Variants in ALOX12 observed in about 807,000 individuals in gnomAD.
ALOX12 encodes arachidonate 12-lipoxygenase, 12S type, also known as polyunsaturated fatty acid lipoxygenase ALOX12.
Under a neutral mutation model 85.5 loss-of-function variants are expected in ALOX12, and 62 were observed. The observed-to-expected ratio is 0.73, with a 90% confidence interval of 0.59 to 0.90. ALOX12 has a LOEUF of 0.90. ALOX12 is among the 40% of genes least tolerant of loss of function. The pLI is 0.00. For missense variants in ALOX12, 751 were observed against 856.5 expected, an observed-to-expected ratio of 0.88 and a Z score of 1.54; for synonymous variants, 299 against 332.7, an observed-to-expected ratio of 0.90 and a Z score of 1.10.
intron 8 of ALOX12, 93 bp from the exon 9 acceptor site, chr17:7,005,164 G>C: frequency 2.8e-6 from 3 of 1,090,270 alleles, no homozygotes; most frequent in South Asian, 1.3e-5. Context: ...AAAGCATCAA[G>C]AGGAGAAGGC....
chr17:7,010,419 T>A lies in ALOX12; in HGVS notation c.1988T>A (p.Ile663Asn), dbSNP rs763214596. The A allele has an allele frequency of 1.2e-6, 2 of 1,613,580 alleles. No individual in the cohort carries two copies. Among genetic ancestry groups the A allele is most frequent in the African/African-American group, 2.7e-5 (2 of 74,908 alleles). Residue 663 changes from isoleucine (I) to asparagine (N), a missense_variant, in exon 14 of 14, where the codon ATC becomes AAC. Physicochemically the swap from Ile to Asn is moderately radical, Grantham distance 149 (BLOSUM62 -3). Transcript: ENST00000251535. ...KPSCIENSVT[I>N] ...AGCTGCATAGAGAACAGTGTCACCA[T>A]CTGAGCCCTAGAGTGACTCTACCTG...
chr17:7,009,748 T>G lies in ALOX12; in HGVS notation c.1542T>G (p.Gly514=). 1 of 1,613,916 alleles carries G rather than the reference T, an allele frequency of 6.2e-7. No individual in the cohort carries two copies. The highest frequency in any genetic ancestry group is 8.5e-7 in the Non-Finnish European group (1 of 1,179,762). ...AACTGCTATTCCTTTCCTGCCCAGG[T>G]TTCCCTGTCTCCTTCCAGTCCCAGA... ...EVGLCQAQDR[G]FPVSFQSQSQ... is the part of the protein sequence containing the mutation. Residue 514 remains glycine (G), a splice_region_variant and synonymous_variant, in exon 12 of 14, where the codon GGT becomes GGG. Transcript: ENST00000251535.
At chr17:7,009,616 T>A (rs1909282685) in intron 11 of ALOX12, 131 bp from the exon 12 acceptor site, 1 of 804,270 alleles carries the variant, frequency 1.2e-6, no homozygotes, top group African/African-American at 1.7e-5. Flanking sequence ...CTTAAACGCA[T>A]GTCTGATGCA....
intron 8 of ALOX12, 70 bp from the exon 9 acceptor site, chr17:7,005,187 G>A: frequency 7.4e-7 from 1 of 1,359,740 alleles, no homozygotes. Flanking sequence ...CATGCTGGGT[G>A]CCAGGCCCTA....
chr17:7,009,772 G>A lies in ALOX12; in HGVS notation c.1566G>A (p.Gln522=), dbSNP rs201763084. 34 of 1,614,060 alleles carry A rather than the reference G, an allele frequency of 2.1e-5. No homozygotes were observed. Among genetic ancestry groups the A allele is most frequent in the Non-Finnish European group, 2.5e-5 (29 of 1,180,056 alleles). The part of the protein sequence containing the change: ...DRGFPVSFQS[Q]SQLCHFLTMC... The stretch of plus-strand genomic sequence containing the variant: ...GTTTCCCTGTCTCCTTCCAGTCCCA[G>A]AGTCAACTCTGCCATTTCCTCACCA... The change falls in exon 12 of 14, where the codon CAG becomes CAA. Residue 522 remains glutamine, a synonymous_variant. Coordinates refer to ENST00000251535, the MANE Select transcript of ALOX12 (RefSeq NM_000697.3).
intron 10 of ALOX12, 151 bp from the exon 11 acceptor site, chr17:7,006,335 G>C: frequency 8.8e-7 from 1 of 1,139,620 alleles, no homozygotes; most frequent in Non-Finnish European, 1.2e-6. Context: ...CATCTTCCAT[G>C]AGATGCTAGT....
chr17:7,009,521 G>A (rs1485828364), intron 11 of ALOX12: 7 of 510,316 alleles, frequency 1.4e-5, no homozygotes, highest in East Asian at 6.4e-5. Context: ...TGTAGGTATC[G>A]TCCATATTTT....
At chr17:7,009,687 C>A in intron 11 of ALOX12, 60 bp from the exon 12 acceptor site, 1 of 1,408,858 alleles carries the variant, frequency 7.1e-7, no homozygotes, top group Non-Finnish European at 1.0e-6. Flanking sequence ...CCCAAAACAA[C>A]AGCCTTTGTT....
chr17:7,002,199 T>C (rs539802127), intron 8 of ALOX12: 54 of 334,774 alleles, frequency 1.6e-4, no homozygotes, highest in Admixed American at 4.6e-4. Flanking sequence ...TATAACAGTA[T>C]AGTATTGATG....
chr17:7,006,555 G>A lies in ALOX12; in HGVS notation c.1488G>A (p.Gln496=). The stretch of plus-strand genomic sequence containing the variant: ...TAGTGAAGGGGGACCCTGAGCTGCA[G>A]GCCTGGTGTCGGGAGATCACGGAGG... ...DDIVKGDPEL[Q]AWCREITEVG... Residue 496 remains glutamine (Q), a synonymous_variant, in exon 11 of 14, where the codon CAG becomes CAA. Coordinates refer to ENST00000251535, the MANE Select transcript of ALOX12 (RefSeq NM_000697.3). 5 of 1,613,572 alleles carry A rather than the reference G, an allele frequency of 3.1e-6. No homozygotes were observed. Among genetic ancestry groups the A allele is most frequent in the Non-Finnish European group, 4.2e-6 (5 of 1,179,710 alleles).
In ALOX12 at chr17:6,998,742, C is replaced by T; in HGVS notation, c.447C>T (p.Pro149=). ...GGGCCACCTGGAAGGAAGGGTTACC[C>T]CTGACCATCGCTGCAGACCGTAAGG... The part of the protein sequence containing the change: ...YCWATWKEGL[P]LTIAADRKDD... Residue 149 remains proline (P), a synonymous_variant, in exon 4 of 14, where the codon CCC becomes CCT. Transcript: ENST00000251535. The T allele has an allele frequency of 6.2e-7, 1 of 1,614,134 alleles. No individual in the cohort carries two copies. Among genetic ancestry groups the T allele is most frequent in the Admixed American group, 1.7e-5 (1 of 60,024 alleles).
intron 1 of ALOX12, 82 bp downstream of exon 1, chr17:6,996,334 G>A: frequency 8.3e-7 from 1 of 1,208,146 alleles, no homozygotes. Flanking sequence ...CGGCGGGAGG[G>A]CGGGAGGCTG....
At chr17:7,007,748 G>A (rs990584452) in intron 11 of ALOX12, among the ~76,000 whole-genome samples, 2 of 152,122 alleles carry the variant, frequency 1.3e-5, no homozygotes, top group Non-Finnish European at 2.9e-5. Context: ...AGGCGTCGTG[G>A]CACGCACCTG....
intron 11 of ALOX12, among the ~76,000 whole-genome samples, chr17:7,009,311 G>A (rs1909267172): frequency 6.6e-6 from 1 of 152,066 alleles, no homozygotes; most frequent in African/African-American, 2.4e-5. Flanking sequence ...CGCCCATCTT[G>A]GCCTCCCCAA....
At chr17:7,002,774 A>T (rs1908771482) in intron 8 of ALOX12, among the ~76,000 whole-genome samples, 1 of 152,092 alleles carries the variant, frequency 6.6e-6, no homozygotes, top group Non-Finnish European at 1.5e-5. Flanking sequence ...AACTTGGCAG[A>T]GGGAGCACAA....
In ALOX12 at chr17:6,999,957, G is replaced by C. The variant is rs1469134364; in HGVS notation, c.808-379G>C. Among the ~76,000 whole-genome samples the C allele has an allele frequency of 4.6e-5, 7 of 152,214 alleles. No individual in the cohort carries two copies. In the East Asian group the frequency reaches 9.6e-4, roughly 21 times the overall value. On this transcript the variant is annotated intron_variant, in intron 6 of 13. Transcript: ENST00000251535. The stretch of plus-strand genomic sequence containing the variant: ...ATATTTGGCAGAGGATGTGAGATTT[G>C]AATAGGGAATGAAAGAGCATTTGCT...
chr17:6,999,797 C>T (rs971964990), intron 6 of ALOX12, among the ~76,000 whole-genome samples: 17 of 151,978 alleles, frequency 1.1e-4, no homozygotes, highest in Admixed American at 3.3e-4. Context: ...TGGGGAGAAT[C>T]GGGGAGGCTT....
intron 2 of ALOX12, among the ~76,000 whole-genome samples, chr17:6,998,275 G>A (rs758564773): frequency 1.4e-3 from 213 of 152,230 alleles, no homozygotes; most frequent in Non-Finnish European, 2.1e-3. Flanking sequence ...GCAAACAGGA[G>A]GTTTTTATCT....
intron 11 of ALOX12, among the ~76,000 whole-genome samples, chr17:7,008,315 G>A (rs1226773726): frequency 6.6e-6 from 1 of 152,142 alleles, no homozygotes; most frequent in Non-Finnish European, 1.5e-5. Flanking sequence ...AGACATTTTA[G>A]AGGCTAAAAT....
Sources: allele counts gnomAD v4.1 joint callset (sites outside exome capture counted in the v4.1 genomes callset), GRCh38; gene constraint gnomAD v4.1.1; transcripts MANE v1.5; gene names NCBI Gene and HGNC (gene_info 2026-07-23, HGNC 2026-07-21).